The following CTNNA2 variants were observed in gnomAD, a reference collection of about 807,000 sequenced individuals.
CTNNA2 encodes the protein catenin alpha 2.
In CTNNA2, 42 loss-of-function variants were observed where a neutral mutation model predicts 101.0. The ratio of observed to expected loss-of-function variants is 0.42; its 90% CI spans 0.32 to 0.54. CTNNA2 has a LOEUF of 0.54. CTNNA2 is among the 20% of genes least tolerant of loss of function. The pLI, the probability that CTNNA2 is intolerant of heterozygous loss-of-function variation, is 0.14. For synonymous variants in CTNNA2, 450 were observed against 456.4 expected, an observed-to-expected ratio of 0.99 and a Z score of 0.18; for missense variants, 871 against 1,223.1, an observed-to-expected ratio of 0.71 and a Z score of 4.29.
intron 2 of CTNNA2, among the ~76,000 whole-genome samples, chr2:79,303,560 A>G (rs773308998): frequency 6.6e-6 from 1 of 152,078 alleles, no homozygotes; most frequent in Non-Finnish European, 1.5e-5. Context: ...TCCCTCTCAC[A>G]AGAAACTTAT....
chr2:80,549,288 A>G (rs1458863921), intron 11 of CTNNA2, among the ~76,000 whole-genome samples: 1 of 152,206 alleles, frequency 6.6e-6, no homozygotes, highest in Non-Finnish European at 1.5e-5. Flanking sequence ...TGAAAAAGCT[A>G]TTAACTTGAT....
At chr2:79,852,643 G>A (rs58949510) in intron 3 of CTNNA2, among the ~76,000 whole-genome samples, 38,419 of 152,206 alleles carry the variant, frequency 0.25, 5,130 homozygotes, top group Non-Finnish European at 0.3. Context: ...CCAGGCTGGA[G>A]TACAGTGGCA....
chr2:79,436,808 T>G (rs1678721396), intron 4 of CTNNA2, among the ~76,000 whole-genome samples: 1 of 152,034 alleles, frequency 6.6e-6, no homozygotes, highest in African/African-American at 2.4e-5. Flanking sequence ...ATTTTTTGTA[T>G]TTTTAGTAGA....
chr2:79,848,666 C>T (rs1680433244), intron 3 of CTNNA2, among the ~76,000 whole-genome samples: 1 of 152,176 alleles, frequency 6.6e-6, no homozygotes, highest in African/African-American at 2.4e-5. Flanking sequence ...ACATTCAATA[C>T]ACTTAATCAT....
intron 7 of CTNNA2, among the ~76,000 whole-genome samples, chr2:80,134,949 T>C (rs910283467): frequency 6.6e-6 from 1 of 152,194 alleles, no homozygotes; most frequent in Non-Finnish European, 1.5e-5. Flanking sequence ...GGTGGTGTTA[T>C]TGCTGTTCTC....
chr2:79,980,423 G>A (rs768553673), intron 7 of CTNNA2, among the ~76,000 whole-genome samples: 5 of 152,036 alleles, frequency 3.3e-5, no homozygotes, highest in Admixed American at 6.6e-5. Flanking sequence ...AACCTCATTG[G>A]TTTTAATATT....
At chr2:80,092,769 C>T (rs1006316897) in intron 7 of CTNNA2, among the ~76,000 whole-genome samples, 1 of 152,042 alleles carries the variant, frequency 6.6e-6, no homozygotes, top group African/African-American at 2.4e-5. Context: ...TCTTCTTCTT[C>T]AGCTCCCATT....
chr2:80,541,494 G>A (rs1172538954), intron 9 of CTNNA2, among the ~76,000 whole-genome samples: 1 of 152,146 alleles, frequency 6.6e-6, no homozygotes, highest in African/African-American at 2.4e-5. Flanking sequence ...GAATAATAGA[G>A]TTTAATTTAA....
At chr2:80,360,112 T>C (rs1674255669) in intron 7 of CTNNA2, among the ~76,000 whole-genome samples, 1 of 152,132 alleles carries the variant, frequency 6.6e-6, no homozygotes, top group Admixed American at 6.6e-5. Context: ...TCTCATTAAA[T>C]TTATTCCTAA....
chr2:79,843,012 T>G (rs1679944497), intron 3 of CTNNA2, among the ~76,000 whole-genome samples: 1 of 152,218 alleles, frequency 6.6e-6, no homozygotes, highest in African/African-American at 2.4e-5. Context: ...CATTTTTAGA[T>G]ATAATCTCTA....
intron 2 of CTNNA2, among the ~76,000 whole-genome samples, chr2:79,282,731 T>G (rs536593068): frequency 1.7e-4 from 24 of 140,672 alleles, no homozygotes; most frequent in African/African-American, 5.8e-4. Context: ...TGTGCATGTG[T>G]CTTTATAGCA....
intron 7 of CTNNA2, among the ~76,000 whole-genome samples, chr2:80,007,761 G>A (rs1693477064): frequency 6.6e-6 from 1 of 152,176 alleles, no homozygotes; most frequent in Non-Finnish European, 1.5e-5. Context: ...AGGGGTAAGG[G>A]GAGGTGTATT....
Position 79,466,009 on chromosome 2 carries a change from A to C in CTNNA2, c.-134-39045A>C, listed in dbSNP as rs180849970. On this transcript the variant is annotated intron_variant, in intron 4 of 21. Transcript: ENST00000466387. ...CATTTCCAACCAAGGTACTGGGTTC[A>C]TCTCACTGGGGCTTGTCGGACAGTG... Among the ~76,000 whole-genome samples, 4 of 152,316 alleles carry C rather than the reference A, an allele frequency of 2.6e-5. No individual in the cohort carries two copies. The East Asian group carries it at 5.8e-4, about 22-fold the overall frequency.
At position 79,919,487 on chromosome 2, in the gene CTNNA2, G is replaced by A. The variant is rs1441075569; in HGVS notation, c.1056+9690G>A. 2.0e-5 allele frequency among the ~76,000 whole-genome samples: 3 copies of A among 152,278 alleles called. No individual in the cohort carries two copies. In the East Asian group the frequency reaches 5.8e-4, roughly 29 times the overall value. On this transcript the variant is annotated intron_variant, in intron 7 of 18. Transcript: ENST00000402739. ...GCAAGTAATATTATGAGAGAGGAAA[G>A]GGCTTTCTCTGACTTAGTAGCTGAG... is the stretch of plus-strand genomic sequence containing the variant.
chr2:80,070,731 A>C (rs1018227187), intron 7 of CTNNA2, among the ~76,000 whole-genome samples: 1 of 150,424 alleles, frequency 6.6e-6, no homozygotes, highest in Non-Finnish European at 1.5e-5. Flanking sequence ...AAAAAAAAAA[A>C]GTCTGAAATC....
intron 7 of CTNNA2, among the ~76,000 whole-genome samples, chr2:79,999,072 TA>T (rs57938469): frequency 1.6e-3 from 237 of 143,894 alleles, no homozygotes; most frequent in Middle Eastern, 0.011. Flanking sequence ...AATTCCATAT[TA>T]AAAAAAAAAA....
chr2:80,218,375 C>T (rs2149049333), intron 7 of CTNNA2, among the ~76,000 whole-genome samples: 1 of 152,338 alleles, frequency 6.6e-6, no homozygotes, highest in Non-Finnish European at 1.5e-5. Flanking sequence ...TCAGGACATC[C>T]TATGTTAATC....
intron 2 of CTNNA2, among the ~76,000 whole-genome samples, chr2:79,655,228 A>G (rs1681527720): frequency 6.6e-6 from 1 of 152,194 alleles, no homozygotes. Context: ...TACACTTAAG[A>G]GTACCTATAA....
chr2:80,037,418 G>A (rs745347899), intron 7 of CTNNA2, among the ~76,000 whole-genome samples: 2 of 152,160 alleles, frequency 1.3e-5, no homozygotes, highest in Non-Finnish European at 2.9e-5. Flanking sequence ...CTCAGTTACT[G>A]CATCATCGTA....
Sources: allele counts gnomAD v4.1 joint callset (sites outside exome capture counted in the v4.1 genomes callset), GRCh38; gene constraint gnomAD v4.1.1; transcripts MANE v1.5; gene names NCBI Gene and HGNC (gene_info 2026-07-23, HGNC 2026-07-21).